Variants in SDC3 observed in about 807,000 individuals in gnomAD.
SDC3 encodes syndecan-3.
A neutral mutation model predicts 24.4 loss-of-function variants in SDC3; 13 were observed. That is an observed-to-expected ratio of 0.53 (90% CI 0.35 to 0.85). The LOEUF is 0.85. Ranked by LOEUF, SDC3 falls within the 40% of genes least tolerant of loss-of-function variation. The pLI is 0.01. For missense variants in SDC3, 571 were observed against 584.5 expected (o/e 0.98, Z 0.24); for synonymous variants, 295 against 260.9 (o/e 1.13, Z -1.26).
chr1:30,893,315 C>A (rs987291794), intron 1 of SDC3, among the ~76,000 whole-genome samples: 1 of 126,946 alleles, frequency 7.9e-6, no homozygotes, highest in African/African-American at 3.2e-5. Context: ...CCCCCCCCCC[C>A]CCACCATGTC....
chr1:30,888,172 T>G (rs1044603801), intron 1 of SDC3, among the ~76,000 whole-genome samples: 1 of 152,138 alleles, frequency 6.6e-6, no homozygotes, highest in Admixed American at 6.5e-5. Context: ...GCCTCCTTAC[T>G]CCACAGAGGC....
intron 1 of SDC3, among the ~76,000 whole-genome samples, chr1:30,894,175 G>C (rs1639950530): frequency 6.6e-6 from 1 of 151,630 alleles, no homozygotes; most frequent in South Asian, 2.1e-4. Flanking sequence ...GTGTGAGTGG[G>C]TGTGGGGGTA....
chr1:30,874,052 A>T (rs1639587678), intron 4 of SDC3, among the ~76,000 whole-genome samples: 6 of 152,186 alleles, frequency 3.9e-5, no homozygotes. Flanking sequence ...GAGGGGTCAG[A>T]GGACACTGAG....
intron 1 of SDC3, 59 bp from the exon 2 acceptor site, chr1:30,878,799 C>T: frequency 7.1e-7 from 1 of 1,413,242 alleles, no homozygotes; most frequent in Non-Finnish European, 1.0e-6. Flanking sequence ...CCTGGGTGAG[C>T]CCAGAAGGGC....
intron 1 of SDC3, among the ~76,000 whole-genome samples, chr1:30,882,279 T>C (rs922864996): frequency 2.6e-5 from 4 of 152,222 alleles, no homozygotes; most frequent in African/African-American, 9.7e-5. Flanking sequence ...GGATGAAATG[T>C]GGCACCCTTC....
At position 30,870,207 on chromosome 1, in the gene SDC3, C is replaced by A. The variant is rs748831413; in HGVS notation, c.*3004G>T. On this transcript the variant is annotated 3_prime_UTR_variant, in exon 5 of 5. Transcript: ENST00000339394. ...GGGGGTTTGGCCCACACACCCTAAG[C>A]CCTGCCCAGCCCTGGTTGCCACCCA... 3.4e-6 allele frequency: 1 copy of A among 290,650 alleles called. No homozygotes were observed. Among genetic ancestry groups the A allele is most frequent in the Non-Finnish European group, 6.3e-6 (1 of 158,352 alleles). 18.0% of individuals were successfully genotyped at this position (290,650 alleles called of 1,614,324 possible). A position where few individuals can be genotyped will look rare whatever the true frequency, so the allele number is the denominator to read the frequency against.
At chr1:30,908,378 C>A (rs1570038217) in intron 1 of SDC3, 71 bp downstream of exon 1, 2 of 856,234 alleles carry the variant, frequency 2.3e-6, no homozygotes, top group African/African-American at 5.0e-5. Context: ...GGGTCGCGGG[C>A]GGGGACCGGC....
intron 1 of SDC3, among the ~76,000 whole-genome samples, chr1:30,888,196 G>A (rs1031421196): frequency 9.2e-5 from 14 of 152,170 alleles, no homozygotes; most frequent in African/African-American, 2.2e-4. Flanking sequence ...AAGCCCAGGC[G>A]ACTTGCTAGA....
chr1:30,875,585 T>C (rs1639624490), intron 3 of SDC3, among the ~76,000 whole-genome samples: 1 of 152,104 alleles, frequency 6.6e-6, no homozygotes, highest in South Asian at 2.1e-4. Flanking sequence ...CACCTCTCCA[T>C]CTTACTTAGT....
In SDC3 at chr1:30,874,396, G is replaced by C. The variant is rs372545406; in HGVS notation, c.1063C>G (p.Arg355Gly). 2 of 1,614,054 alleles carry C rather than the reference G, an allele frequency of 1.2e-6. No homozygotes were observed. The highest frequency in any genetic ancestry group is 1.7e-6 in the Non-Finnish European group (2 of 1,179,972). ...TTGTCCAGGAGGCCAGGGCCCGGGC[G>C]GGCACCCTTGGGCAGTGTCCCAGGT... ...SPPGTLPKGA[R>G]PGPGLLDNAI... The change falls in exon 4 of 5, where the codon CGC becomes GGC. Residue 355 changes from arginine (R) to glycine (G), a missense_variant. By Grantham distance (125) the Arg-to-Gly change is moderately radical. Coordinates refer to ENST00000339394, the MANE Select transcript of SDC3 (RefSeq NM_014654.4).
intron 1 of SDC3, chr1:30,879,996 G>A (rs72882067): frequency 1.9e-3 from 284 of 152,700 alleles, no homozygotes; most frequent in African/African-American, 6.6e-3. Flanking sequence ...GCCACAGAGG[G>A]CTCAGCGTGT....
intron 1 of SDC3, among the ~76,000 whole-genome samples, chr1:30,905,091 T>TG (rs1638491006): frequency 6.6e-6 from 1 of 151,934 alleles, no homozygotes; most frequent in African/African-American, 2.4e-5. Context: ...GAAGGGGAGA[T>TG]GGTTCACCCA....
intron 1 of SDC3, among the ~76,000 whole-genome samples, chr1:30,898,084 T>G (rs1490160640): frequency 7.7e-6 from 1 of 129,594 alleles, no homozygotes. Context: ...GAACAAGAAC[T>G]GAGGCACAGG....
At chr1:30,884,278 C>G (rs1005623349) in intron 1 of SDC3, among the ~76,000 whole-genome samples, 3 of 151,882 alleles carry the variant, frequency 2.0e-5, no homozygotes, top group East Asian at 1.9e-4. Flanking sequence ...ACCACAGACC[C>G]CCCCCAAGAA....
At chr1:30,894,363 AGT>A (rs200080596) in intron 1 of SDC3, among the ~76,000 whole-genome samples, 3,771 of 33,516 alleles carry the variant, frequency 0.11, 318 homozygotes, top group African/African-American at 0.31. Flanking sequence ...AGTGTGTGTG[AGT>A]GTGTGTGTGG....
In SDC3 at chr1:30,883,002, G is replaced by A. The variant is rs527962050; in HGVS notation, c.139-4262C>T. 2.6e-5 allele frequency among the ~76,000 whole-genome samples: 4 copies of A among 152,312 alleles called. No homozygotes were observed. In the East Asian group the frequency reaches 7.7e-4, roughly 29 times the overall value. On this transcript the variant is annotated intron_variant, in intron 1 of 4. Coordinates refer to ENST00000339394, the MANE Select transcript of SDC3 (RefSeq NM_014654.4). Reference sequence around the variant, plus strand: ...AAAATGAATAAATCAGTGTAGCCACGATTGCTGTTAGTTTATGTTAAAATT... The same window carrying A: ...AAAATGAATAAATCAGTGTAGCCACAATTGCTGTTAGTTTATGTTAAAATT...
chr1:30,876,754 C>T lies in SDC3; in HGVS notation c.668G>A (p.Arg223Gln), dbSNP rs756761275. 88 of 1,587,400 alleles carry T rather than the reference C, an allele frequency of 5.5e-5. No individual in the cohort carries two copies. The highest frequency in any genetic ancestry group is 3.5e-4 in the South Asian group (31 of 87,386). Residue 223 changes from arginine (R) to glutamine (Q), a missense_variant, in exon 3 of 5, where the codon CGG becomes CAG. By Grantham distance (43) the Arg-to-Gln change is conservative. Transcript: ENST00000339394. ...GGAGGGCGCCTCGGGGGTAGTGGCC[C>T]GTGCCGTAGCCACTGTGGTCAGTGG... ...PLPLTTVATA[R>Q]ATTPEAPSPP...
In SDC3 at chr1:30,874,640, C is replaced by A. The variant is rs567329466; in HGVS notation, c.871-52G>T. ...GACAACCACACATGCATGCATAACC[C>A]CCCACCACCATCCTACTGCCCTGGG... On this transcript the variant is annotated intron_variant, in intron 3 of 4. Coordinates refer to ENST00000339394, the MANE Select transcript of SDC3 (RefSeq NM_014654.4). The A allele has an allele frequency of 3.9e-6, 6 of 1,548,640 alleles. No homozygotes were observed. In the South Asian group the frequency reaches 7.2e-5, roughly 19 times the overall value.
chr1:30,906,431 G>T (rs1638521304), intron 1 of SDC3, among the ~76,000 whole-genome samples: 2 of 152,104 alleles, frequency 1.3e-5, no homozygotes, highest in Admixed American at 1.3e-4. Context: ...CACCCGTGTT[G>T]CGAGGCCCTA....
Sources: allele counts gnomAD v4.1 joint callset (sites outside exome capture counted in the v4.1 genomes callset), GRCh38; gene constraint gnomAD v4.1.1; transcripts MANE v1.5; gene names NCBI Gene and HGNC (gene_info 2026-07-23, HGNC 2026-07-21).